Variants in DROSHA observed in about 807,000 individuals in gnomAD.
The protein encoded by DROSHA is drosha ribonuclease III.
Under a neutral mutation model 181.9 loss-of-function variants are expected in DROSHA, and 56 were observed. The ratio of observed to expected loss-of-function variants is 0.31; its 90% CI spans 0.25 to 0.38. The LOEUF (loss-of-function observed/expected upper bound fraction) is 0.38. DROSHA is among the 10% of genes least tolerant of loss of function. The pLI is 1.00. For missense variants in DROSHA, 1,218 were observed against 1,743.5 expected, an observed-to-expected ratio of 0.70 and a Z score of 5.37; for synonymous variants, 524 against 591.2, an observed-to-expected ratio of 0.89 and a Z score of 1.65.
intron 20 of DROSHA, among the ~76,000 whole-genome samples, chr5:31,458,173 T>C (rs930363359): frequency 1.1e-4 from 16 of 152,190 alleles, no homozygotes; most frequent in Admixed American, 4.6e-4. Flanking sequence ...AATAAACCTA[T>C]CATAAACTGA....
chr5:31,435,062 G>T (rs1744628366), intron 25 of DROSHA, among the ~76,000 whole-genome samples: 1 of 152,174 alleles, frequency 6.6e-6, no homozygotes, highest in African/African-American at 2.4e-5. Context: ...GAAAGCAGAG[G>T]CTTGGAGAAG....
intron 30 of DROSHA, among the ~76,000 whole-genome samples, chr5:31,420,347 A>AG (rs1170852425): frequency 1.3e-5 from 2 of 152,214 alleles, no homozygotes; most frequent in Non-Finnish European, 2.9e-5. Flanking sequence ...CCAGTCCTCA[A>AG]GGGACTTCTC....
chr5:31,466,525 G>A (rs1052368770), intron 18 of DROSHA: 2 of 371,116 alleles, frequency 5.4e-6, no homozygotes, highest in East Asian at 1.1e-4. Context: ...AATGAGGTGT[G>A]ACTATATGAA....
At chr5:31,464,582 T>C (rs562745671) in intron 19 of DROSHA, among the ~76,000 whole-genome samples, 1 of 149,200 alleles carries the variant, frequency 6.7e-6, no homozygotes, top group African/African-American at 2.5e-5. Context: ...CTAAACCAAA[T>C]CTACCATTCT....
chr5:31,515,198 C>T lies in DROSHA; in HGVS notation c.1080G>A (p.Lys360=), dbSNP rs1386876406. ...TTTCTTCCTCCCAACGAGCTCTCTT[C>T]TTCTCCCTACTTGGGGAGCGACTTC... ...IVNHRSPSRE[K]KRARWEEEKD... is the part of the protein sequence containing the mutation. Residue 360 remains lysine, a synonymous_variant, in exon 8 of 36, where the codon AAG becomes AAA. Transcript: ENST00000344624. The T allele has an allele frequency of 3.7e-6, 6 of 1,612,438 alleles. No individual in the cohort carries two copies. The highest frequency in any genetic ancestry group is 2.2e-5 in the East Asian group (1 of 44,884).
chr5:31,482,212 T>C (rs1751108372), intron 16 of DROSHA, among the ~76,000 whole-genome samples: 1 of 152,214 alleles, frequency 6.6e-6, no homozygotes. Context: ...CACAGATTTA[T>C]AGCAGCAGCT....
chr5:31,467,899 A>C, intron 18 of DROSHA, 40 bp downstream of exon 18: 1 of 1,599,986 alleles, frequency 6.3e-7, no homozygotes, highest in Non-Finnish European at 8.5e-7. Flanking sequence ...TGTTAGTAGA[A>C]GGTGAAATTG....
intron 5 of DROSHA, among the ~76,000 whole-genome samples, chr5:31,523,976 CAAAAA>C (rs10718385): frequency 9.5e-6 from 1 of 105,076 alleles, no homozygotes; most frequent in African/African-American, 3.8e-5. Flanking sequence ...ACTTTGTCTC[CAAAAA>C]AAAAAAAAAA....
chr5:31,486,817 A>G (rs1751827754), intron 13 of DROSHA: 1 of 338,188 alleles, frequency 3.0e-6, no homozygotes, highest in Non-Finnish European at 5.4e-6. Context: ...AGCAACACAA[A>G]CATGACAAGA....
Position 31,410,797 on chromosome 5 carries a change from T to C in DROSHA, c.3616A>G (p.Thr1206Ala), listed in dbSNP as rs1396063384. 1.2e-6 allele frequency: 2 copies of C among 1,613,992 alleles called. No homozygotes were observed. Among genetic ancestry groups the C allele is most frequent in the South Asian group, 1.1e-5 (1 of 91,074 alleles). The change falls in exon 31 of 36, where the codon ACC (threonine) becomes GCC (alanine). Residue 1206 changes from threonine to alanine, a missense_variant. By Grantham distance (58) the Thr-to-Ala change is moderately conservative (BLOSUM62 0). Transcript: ENST00000344624. The part of the protein sequence containing the change: ...MQEYAITNDK[T>A]KRPVALRTKT... ...GTGCGAAGCGCCACAGGCCTCTTGG[T>C]CTTGTCGTTGGTTATGGCGTACTCC...
chr5:31,422,848 G>T lies in DROSHA; in HGVS notation c.3358C>A (p.His1120Asn). The change falls in exon 29 of 36, where the codon CAT (histidine) becomes AAT (asparagine). Residue 1120 changes from histidine (H) to asparagine (N), a missense_variant. Physicochemically the swap from His to Asn is moderately conservative, Grantham distance 68. Transcript: ENST00000344624. ...FEEAIGVIFT[H>N]VRLLARAFTL... ...AATGCCCTTGCCAGAAGTCGAACATGAGTAAAAATTACTCCAATTGCTTCT... is the reference window on the plus strand; with the variant it reads ...AATGCCCTTGCCAGAAGTCGAACATTAGTAAAAATTACTCCAATTGCTTCT... 1 of 1,613,702 alleles carries T rather than the reference G, an allele frequency of 6.2e-7. No individual in the cohort carries two copies. Among genetic ancestry groups the T allele is most frequent in the South Asian group, 1.1e-5 (1 of 91,044 alleles).
intron 6 of DROSHA, 65 bp downstream of exon 6, chr5:31,521,057 CA>C: frequency 6.4e-7 from 1 of 1,552,182 alleles, no homozygotes; most frequent in East Asian, 2.3e-5. Context: ...TTGCTCCATA[CA>C]AGCACAAAAT....
intron 20 of DROSHA, among the ~76,000 whole-genome samples, chr5:31,453,484 G>A (rs1223623671): frequency 6.6e-6 from 1 of 152,202 alleles, no homozygotes; most frequent in Non-Finnish European, 1.5e-5. Flanking sequence ...TTACATAGGT[G>A]TGAGCCACTG....
At chr5:31,462,088 G>C (rs1374256551) in intron 20 of DROSHA, among the ~76,000 whole-genome samples, 1 of 152,002 alleles carries the variant, frequency 6.6e-6, no homozygotes, top group Non-Finnish European at 1.5e-5. Flanking sequence ...TGTGTAAGTG[G>C]CATTTCCTTC....
At chr5:31,511,991 C>T (rs978253201) in intron 8 of DROSHA, among the ~76,000 whole-genome samples, 1 of 151,690 alleles carries the variant, frequency 6.6e-6, no homozygotes, top group Non-Finnish European at 1.5e-5. Context: ...TGCACACACT[C>T]TCTCTCACAC....
rs556295039 is a variant in DROSHA at position 31,457,901 on chromosome 5, T to A, written c.2575-6261A>T. On this transcript the variant is annotated intron_variant, in intron 20 of 35. Transcript: ENST00000344624. ...CAGCAAGACCCTGACTCAATCAATC[T>A]GTCAGTCAGTCAATGGAACTCTTAA... Among the ~76,000 whole-genome samples, 17 of 152,264 alleles carry A rather than the reference T, an allele frequency of 1.1e-4. No individual in the cohort carries two copies. In the South Asian group the frequency reaches 3.5e-3, roughly 32 times the overall value.
Position 31,402,496 on chromosome 5 carries a change from G to A in DROSHA, c.3995-934C>T, listed in dbSNP as rs1740132775. Reference sequence around the variant, plus strand: ...TTAATTATTGTTAATCTTTTTCTGTGCCTGATTTGTAAATTAAATTTCCTC... The same window carrying A: ...TTAATTATTGTTAATCTTTTTCTGTACCTGATTTGTAAATTAAATTTCCTC... On this transcript the variant is annotated intron_variant, in intron 35 of 35. Coordinates refer to ENST00000344624, the MANE Select transcript of DROSHA (RefSeq NM_001382508.1). Among the ~76,000 whole-genome samples, 5 of 152,108 alleles carry A rather than the reference G, an allele frequency of 3.3e-5. No homozygotes were observed. In the South Asian group the frequency reaches 1.0e-3, roughly 32 times the overall value.
chr5:31,513,376 G>A (rs941275037), intron 8 of DROSHA, among the ~76,000 whole-genome samples: 1 of 152,168 alleles, frequency 6.6e-6, no homozygotes, highest in Non-Finnish European at 1.5e-5. Flanking sequence ...AACCCAGCTT[G>A]TTTAAGTCCC....
intron 20 of DROSHA, among the ~76,000 whole-genome samples, chr5:31,461,705 C>T (rs988921377): frequency 6.6e-6 from 1 of 150,770 alleles, no homozygotes; most frequent in Non-Finnish European, 1.5e-5. Context: ...AAGTCAACTA[C>T]ACTAGTTTAC....
Sources: gnomAD v4.1 joint callset for allele counts (sites outside exome capture counted in the v4.1 genomes callset) on GRCh38, gnomAD v4.1.1 for gene constraint, MANE v1.5 for transcripts, NCBI Gene and HGNC (gene_info 2026-07-23, HGNC 2026-07-21) for gene names.